The following VPS13C variants were observed in gnomAD, a reference collection of about 807,000 sequenced individuals.
The protein encoded by VPS13C is intermembrane lipid transfer protein VPS13C.
VPS13C carries 358 observed loss-of-function variants against 456.8 expected under a neutral mutation model. That is an observed-to-expected ratio of 0.78 (90% CI 0.72 to 0.86). VPS13C has a LOEUF of 0.86. Among genes scored for constraint, VPS13C ranks in the 40% least tolerant of loss-of-function variants. The probability of loss-of-function intolerance (pLI) is 0.00; values close to 1 mark genes in which losing one functional copy is unlikely to be tolerated. For missense variants in VPS13C, 4,818 were observed against 4,385.4 expected, an observed-to-expected ratio of 1.10 and a Z score of -2.79; for synonymous variants, 1,578 against 1,486.7, an observed-to-expected ratio of 1.06 and a Z score of -1.41.
At chr15:62,020,340 T>C in intron 9 of VPS13C, 139 bp downstream of exon 9, 1 of 610,410 alleles carries the variant, frequency 1.6e-6, no homozygotes, top group Non-Finnish European at 2.5e-6. Flanking sequence ...GTTAAACTTC[T>C]AGAAAAGTTG....
At chr15:61,872,192 A>T (rs139956321) in intron 78 of VPS13C, among the ~76,000 whole-genome samples, 158 bp from the exon 79 acceptor site, 70 of 152,314 alleles carry the variant, frequency 4.6e-4, no homozygotes, top group Non-Finnish European at 4.1e-4. Context: ...CATATAAGTT[A>T]GCACTATGAT....
Position 61,929,607 on chromosome 15 carries a change from C to T in VPS13C, c.6180G>A (p.Val2060=). The change falls in exon 51 of 85, where the codon GTG becomes GTA. Residue 2060 remains valine (V), a synonymous_variant. Coordinates refer to ENST00000644861, the MANE Select transcript of VPS13C (RefSeq NM_020821.3). ...GCACAGCTTTGATAAAGAAATCTGC[C>T]ACAGTCATCAGAAATTCCACACTGG... is the stretch of plus-strand genomic sequence containing the variant. ...VCASVEFLMT[V]ADFFIKAVPQ... 6.2e-7 allele frequency: 1 copy of T among 1,614,008 alleles called. No homozygotes were observed. The highest frequency in any genetic ancestry group is 8.5e-7 in the Non-Finnish European group (1 of 1,180,000).
At chr15:61,900,339 G>A (rs1483166901) in intron 66 of VPS13C, among the ~76,000 whole-genome samples, 1 of 152,272 alleles carries the variant, frequency 6.6e-6, no homozygotes, top group East Asian at 1.9e-4. Flanking sequence ...GTTTGCAGAC[G>A]ACATGATTGT....
intron 82 of VPS13C, 92 bp from the exon 83 acceptor site, chr15:61,856,501 A>G: frequency 6.8e-7 from 1 of 1,463,736 alleles, no homozygotes; most frequent in Non-Finnish European, 9.3e-7. Context: ...CAGAGGTAGC[A>G]CTTGCTTAGT....
At chr15:62,058,028 A>T in intron 1 of VPS13C, among the ~76,000 whole-genome samples, 1 of 152,240 alleles carries the variant, frequency 6.6e-6, no homozygotes, top group East Asian at 1.9e-4. Flanking sequence ...TATAACATTG[A>T]AATATGAGTA....
chr15:61,890,077 C>A, intron 67 of VPS13C, 88 bp downstream of exon 67: 2 of 1,240,674 alleles, frequency 1.6e-6, no homozygotes, highest in South Asian at 1.4e-5. Flanking sequence ...AAAGTCAAAC[C>A]AGGTATCTTT....
intron 15 of VPS13C, among the ~76,000 whole-genome samples, chr15:62,005,207 G>T (rs1313664483): frequency 6.6e-6 from 1 of 152,194 alleles, no homozygotes; most frequent in African/African-American, 2.4e-5. Flanking sequence ...GGGTGCTCCT[G>T]TATTGGGTGC....
At chr15:62,044,297 C>T (rs776130457) in intron 1 of VPS13C, 42 bp from the exon 2 acceptor site, 3 of 1,254,054 alleles carry the variant, frequency 2.4e-6, no homozygotes, top group Admixed American at 4.5e-5. Flanking sequence ...CTATAACATA[C>T]CAATTTTTAA....
At position 61,915,897 on chromosome 15, in the gene VPS13C, G is replaced by T; in HGVS notation, c.8181C>A (p.Phe2727Leu). 1.2e-6 allele frequency: 2 copies of T among 1,613,910 alleles called. No homozygotes were observed. Among genetic ancestry groups the T allele is most frequent in the Non-Finnish European group, 1.7e-6 (2 of 1,179,984 alleles). The stretch of plus-strand genomic sequence containing the variant: ...ATTCTGGTAGTGTATCACGTATGCG[G>T]AAATGTCCATTCCAGTTTTTGCCCT... ...KYQGKNWNGH[F>L]RIRDTLPEFF... The change falls in exon 61 of 85, where the codon TTC (phenylalanine) becomes TTA (leucine). Residue 2727 changes from phenylalanine to leucine, a missense_variant. This residue lies in a region of VPS13C where 4,552 missense variants were observed against 4,130.6 expected (regional missense o/e 1.10). Transcript: ENST00000644861.
intron 6 of VPS13C, among the ~76,000 whole-genome samples, chr15:62,027,375 T>A (rs1371075151): frequency 1.3e-5 from 2 of 152,114 alleles, no homozygotes; most frequent in Non-Finnish European, 2.9e-5. Context: ...CAGTGAGCCA[T>A]GAGTATCTCC....
At chr15:62,037,483 T>TGTAAGAATATAATAAATTTATTATATG in intron 3 of VPS13C, among the ~76,000 whole-genome samples, 2 of 109,694 alleles carry the variant, frequency 1.8e-5, no homozygotes, top group Non-Finnish European at 3.4e-5. Context: ...TTTATTATAT[T>TGTAAGAATATAATAAATTTATTATATG]GTAAGAATAT....
intron 81 of VPS13C, chr15:61,866,235 TTC>T (rs1416397306): frequency 2.0e-6 from 2 of 984,848 alleles, no homozygotes; most frequent in Non-Finnish European, 2.4e-6. Flanking sequence ...TGTATAATCA[TTC>T]TTTTTCTTCC....
rs934192534 is a variant in VPS13C at position 61,999,324 on chromosome 15, G to A, written c.1353+1240C>T. 2.0e-5 allele frequency among the ~76,000 whole-genome samples: 3 copies of A among 150,876 alleles called. No individual in the cohort carries two copies. The East Asian group carries it at 5.8e-4, about 29-fold the overall frequency. ...AAACCTGGGAGGTAGAGGTTGCAGT[G>A]ACCCAAGATTGCGCCACTGCACTCC... On this transcript the variant is annotated intron_variant, in intron 16 of 84. Coordinates refer to ENST00000644861, the MANE Select transcript of VPS13C (RefSeq NM_020821.3).
At chr15:62,058,108 A>C (rs1426758196) in intron 1 of VPS13C, among the ~76,000 whole-genome samples, 1 of 152,212 alleles carries the variant, frequency 6.6e-6, no homozygotes, top group East Asian at 1.9e-4. Flanking sequence ...TTTTTCTATA[A>C]AGTTTAAATT....
chr15:62,026,979 A>T (rs1482639975), intron 6 of VPS13C, among the ~76,000 whole-genome samples: 3 of 152,086 alleles, frequency 2.0e-5, no homozygotes, highest in African/African-American at 7.2e-5. Flanking sequence ...CAGCAATGTA[A>T]ATGTCAATAA....
chr15:61,917,210 T>C, intron 60 of VPS13C, 131 bp downstream of exon 60: 1 of 965,884 alleles, frequency 1.0e-6, no homozygotes, highest in Non-Finnish European at 1.5e-6. Context: ...TTGCTATCAT[T>C]AACATTATGA....
chr15:62,021,755 A>T (rs922160501), intron 8 of VPS13C, among the ~76,000 whole-genome samples: 2 of 151,826 alleles, frequency 1.3e-5, no homozygotes, highest in African/African-American at 4.8e-5. Context: ...TTTGTGGCAA[A>T]ATATTTTCCT....
Position 62,026,768 on chromosome 15 carries a change from A to G in VPS13C, c.448+1590T>C, listed in dbSNP as rs74019292. 3.1e-3 allele frequency among the ~76,000 whole-genome samples: 469 copies of G among 152,232 alleles called. 2 individuals carry two copies. The highest frequency in any genetic ancestry group is 0.011 in the African/African-American group (453 of 41,544). ...ACAAAATATTAAAGAGACATGCTCA[A>G]GGGTTGAAGTTTATTAAAATTTAAA... On this transcript the variant is annotated intron_variant, in intron 6 of 84. Coordinates refer to ENST00000644861, the MANE Select transcript of VPS13C (RefSeq NM_020821.3).
In VPS13C at chr15:61,867,654, A is replaced by ATTTT; in HGVS notation, c.10863+1004_10863+1005insAAAA. ...GTAACAGTATCTGCTTCTGAGCTCA[A>ATTTT]TAAAGGCTTTCATCTATTAAACGCA... is the stretch of plus-strand genomic sequence containing the variant. On this transcript the variant is annotated intron_variant, in intron 81 of 84. Coordinates refer to ENST00000644861, the MANE Select transcript of VPS13C (RefSeq NM_020821.3). This position sits in a 1 kb window ranked among gnomAD's most constrained non-coding sequence, Gnocchi z 5.0. 1 of 1,227,570 alleles carries ATTTT rather than the reference A, an allele frequency of 8.1e-7. No homozygotes were observed. The allele number at this position is 1,227,570 out of a possible 1,614,324, so 76.0% of individuals were successfully genotyped here. A position where few individuals can be genotyped will look rare whatever the true frequency, so the allele number is the denominator to read the frequency against.
Sources: allele counts gnomAD v4.1 joint callset (sites outside exome capture counted in the v4.1 genomes callset), GRCh38; gene constraint gnomAD v4.1.1; regional missense constraint gnomAD v4.1.1; non-coding constraint Gnocchi (gnomAD v3.1); transcripts MANE v1.5; gene names NCBI Gene and HGNC (gene_info 2026-07-23, HGNC 2026-07-21).